DNAJC3: variants seen among roughly 807,000 people sequenced by gnomAD.
DNAJC3 encodes the protein DnaJ heat shock protein family (Hsp40) member C3, also known as dnaJ homolog subfamily C member 3.
DNAJC3 carries 38 observed loss-of-function variants against 68.6 expected under a neutral mutation model. The observed-to-expected ratio is 0.55, with a 90% CI of 0.43 to 0.73. DNAJC3 has a LOEUF of 0.73. DNAJC3 is among the 30% of genes least tolerant of loss of function. DNAJC3 has a pLI of 0.00. For synonymous variants in DNAJC3, 203 were observed against 204.0 expected (o/e 1.00, Z 0.04); for missense variants, 526 against 591.9 (o/e 0.89, Z 1.16).
At chr13:95,733,698 CCTGT>C (rs1185219850) in intron 4 of DNAJC3, among the ~76,000 whole-genome samples, 3 of 142,836 alleles carry the variant, frequency 2.1e-5, no homozygotes, top group Middle Eastern at 3.4e-3. Context: ...CTGTGCCTGG[CCTGT>C]CTTTTTTTTT....
chr13:95,771,465 T>C (rs1184077058), intron 9 of DNAJC3, among the ~76,000 whole-genome samples: 4 of 151,608 alleles, frequency 2.6e-5, no homozygotes, highest in Non-Finnish European at 5.9e-5. Flanking sequence ...AGGAGCAGAG[T>C]TGGGGGTCAG....
At chr13:95,779,216 C>A (rs1883373832) in intron 9 of DNAJC3, among the ~76,000 whole-genome samples, 1 of 148,946 alleles carries the variant, frequency 6.7e-6, no homozygotes, top group East Asian at 2.0e-4. Context: ...GCTCCGCCTC[C>A]CGGGTTCACC....
rs1433744653 is a variant in DNAJC3, at chr13:95,793,659, T to A, written c.*2629T>A. 1 of 152,436 alleles carries A rather than the reference T, an allele frequency of 6.6e-6. No individual in the cohort carries two copies. Among genetic ancestry groups the A allele is most frequent in the Non-Finnish European group, 1.5e-5 (1 of 68,306 alleles). The allele number at this position is 152,436 out of a possible 1,614,324, so 9.4% of individuals were successfully genotyped here. On this transcript the variant is annotated 3_prime_UTR_variant, in exon 12 of 12. Coordinates refer to ENST00000602402, the MANE Select transcript of DNAJC3 (RefSeq NM_006260.5). ...TTGTATTTTTAGTAGAAATGGGGTT[T>A]CACTGTGTTAGCCAGGATGGTCTTG...
intron 1 of DNAJC3, chr13:95,695,461 A>G (rs988941848): frequency 2.6e-5 from 4 of 152,202 alleles, no homozygotes; most frequent in Non-Finnish European, 5.9e-5. Flanking sequence ...TCTATTCTCT[A>G]TTCTATTCTA....
At chr13:95,707,571 C>T (rs983020337) in intron 1 of DNAJC3, among the ~76,000 whole-genome samples, 3 of 152,110 alleles carry the variant, frequency 2.0e-5, no homozygotes, top group African/African-American at 7.2e-5. Context: ...CAAACCAGTC[C>T]TCGAATTGCA....
intron 4 of DNAJC3, among the ~76,000 whole-genome samples, chr13:95,753,109 C>G (rs1049331142): frequency 6.6e-6 from 1 of 152,142 alleles, no homozygotes; most frequent in Non-Finnish European, 1.5e-5. Flanking sequence ...CCTGCTCTCT[C>G]CCCACCCCTA....
intron 1 of DNAJC3, among the ~76,000 whole-genome samples, chr13:95,685,002 G>T (rs939583689): frequency 1.3e-5 from 2 of 152,268 alleles, no homozygotes; most frequent in Non-Finnish European, 2.9e-5. Flanking sequence ...CAGTGCAGAG[G>T]GGAAATGTGG....
At chr13:95,691,308 G>C in intron 1 of DNAJC3, among the ~76,000 whole-genome samples, 1 of 151,722 alleles carries the variant, frequency 6.6e-6, no homozygotes, top group Non-Finnish European at 1.5e-5. Context: ...CGGGGCACTT[G>C]CCGGGCGGAG....
chr13:95,718,357 T>C (rs1478149443), intron 2 of DNAJC3, among the ~76,000 whole-genome samples: 1 of 152,220 alleles, frequency 6.6e-6, no homozygotes, highest in African/African-American at 2.4e-5. Flanking sequence ...TATTTTAAGA[T>C]GAAGAACCAG....
In DNAJC3 at chr13:95,792,550, T is replaced by TAGTC. The variant is rs1260979652; in HGVS notation, c.*1522_*1525dup. 7.2e-5 allele frequency: 11 copies of TAGTC among 152,352 alleles called. No individual in the cohort carries two copies. The East Asian group carries it at 2.1e-3, about 29-fold the overall frequency. 9.4% of individuals were successfully genotyped at this position (152,352 alleles called of 1,614,324 possible). On this transcript the variant is annotated 3_prime_UTR_variant, in exon 12 of 12. Coordinates refer to ENST00000602402, the MANE Select transcript of DNAJC3 (RefSeq NM_006260.5). ...GCAAAGCACAAATCGTTTTCGTCTG[T>TAGTC]AGTCATATCCTGAAACATAGGTGGA...
Position 95,725,318 on chromosome 13 carries a change from AT to A in DNAJC3, c.393+67del. 2 of 1,203,786 alleles carry A rather than the reference AT, an allele frequency of 1.7e-6. 1 individual carries two copies. The highest frequency in any genetic ancestry group is 3.3e-5 in the South Asian group (2 of 60,526). The allele number at this position is 1,203,786 out of a possible 1,614,324, so 74.6% of individuals were successfully genotyped here. On this transcript the variant is annotated intron_variant, in intron 4 of 11. Coordinates refer to ENST00000602402, the MANE Select transcript of DNAJC3 (RefSeq NM_006260.5). Reference sequence around the variant, plus strand: ...TGAGAGAACGTATTTGACCTTTTTTATATTATGACAGTTAATAGTAATTTTA... The same window carrying A: ...TGAGAGAACGTATTTGACCTTTTTTAATTATGACAGTTAATAGTAATTTTA...
chr13:95,678,040 C>G (rs1432508324), intron 1 of DNAJC3, among the ~76,000 whole-genome samples: 2 of 152,116 alleles, frequency 1.3e-5, no homozygotes, highest in Non-Finnish European at 2.9e-5. Flanking sequence ...TAAAAAGATA[C>G]GAACGATTAA....
At chr13:95,699,702 A>T (rs1051190452) in intron 1 of DNAJC3, among the ~76,000 whole-genome samples, 36 of 152,192 alleles carry the variant, frequency 2.4e-4, no homozygotes, top group African/African-American at 8.2e-4. Flanking sequence ...ACTATGAAAG[A>T]CGTTTACTTC....
chr13:95,751,343 G>C (rs1466128341), intron 4 of DNAJC3, among the ~76,000 whole-genome samples: 1 of 152,232 alleles, frequency 6.6e-6, no homozygotes, highest in Non-Finnish European at 1.5e-5. Flanking sequence ...AGAAACTTGT[G>C]AGAAGTTGAC....
chr13:95,678,947 T>C (rs527939203), intron 1 of DNAJC3, among the ~76,000 whole-genome samples: 2 of 152,274 alleles, frequency 1.3e-5, no homozygotes, highest in African/African-American at 4.8e-5. Context: ...TTTAGGACCA[T>C]TGTCTGTGTA....
intron 9 of DNAJC3, among the ~76,000 whole-genome samples, chr13:95,770,644 A>T (rs1168988824): frequency 6.6e-6 from 1 of 152,208 alleles, no homozygotes; most frequent in African/African-American, 2.4e-5. Context: ...TTCATTGTTT[A>T]AATCGGCCTA....
intron 9 of DNAJC3, among the ~76,000 whole-genome samples, chr13:95,776,620 T>C (rs1179322426): frequency 1.3e-5 from 2 of 152,242 alleles, no homozygotes; most frequent in African/African-American, 4.8e-5. Flanking sequence ...TATACGCTCC[T>C]GATATTTAGG....
chr13:95,702,154 G>A (rs879837703), intron 1 of DNAJC3, among the ~76,000 whole-genome samples: 1 of 152,162 alleles, frequency 6.6e-6, no homozygotes, highest in African/African-American at 2.4e-5. Flanking sequence ...TTTTAAGTGT[G>A]TATTTGCTGA....
chr13:95,779,447 A>C (rs1349197479), intron 9 of DNAJC3, among the ~76,000 whole-genome samples: 1 of 152,130 alleles, frequency 6.6e-6, no homozygotes, highest in Non-Finnish European at 1.5e-5. Flanking sequence ...TATATAGTTA[A>C]GAATATTGAC....
Sources: gnomAD v4.1 joint callset for allele counts (sites outside exome capture counted in the v4.1 genomes callset) on GRCh38, gnomAD v4.1.1 for gene constraint, MANE v1.5 for transcripts, NCBI Gene and HGNC (gene_info 2026-07-23, HGNC 2026-07-21) for gene names.